The following CAMK2G variants were observed in gnomAD, a reference collection of about 807,000 sequenced individuals.
CAMK2G encodes the protein calcium/calmodulin-dependent protein kinase type II subunit gamma.
A neutral mutation model predicts 88.7 loss-of-function variants in CAMK2G; 23 were observed. That is an observed-to-expected ratio of 0.26 (90% CI 0.19 to 0.37). The LOEUF (loss-of-function observed/expected upper bound fraction) is 0.37. Among genes scored for constraint, CAMK2G ranks in the 10% least tolerant of loss-of-function variants. CAMK2G has a pLI of 1.00. For missense variants in CAMK2G, 476 were observed against 780.8 expected (o/e 0.61, Z 4.65); for synonymous variants, 263 against 294.8 (o/e 0.89, Z 1.11).
chr10:73,822,900 C>T (rs766600247), intron 17 of CAMK2G, among the ~76,000 whole-genome samples: 11 of 152,262 alleles, frequency 7.2e-5, no homozygotes, highest in Non-Finnish European at 1.0e-4. Flanking sequence ...CTTGCTCTGT[C>T]GCCCAGGCTG....
intron 4 of CAMK2G, chr10:73,852,867 T>G (rs1159583415): frequency 1.5e-5 from 5 of 330,082 alleles, no homozygotes; most frequent in Admixed American, 4.6e-5. Context: ...CTCAGGATTT[T>G]TAAGGTCATG....
chr10:73,836,268 T>C (rs1398557291), intron 14 of CAMK2G, among the ~76,000 whole-genome samples: 1 of 152,218 alleles, frequency 6.6e-6, no homozygotes, highest in Non-Finnish European at 1.5e-5. Context: ...GTGGGTCCAC[T>C]AGCAGCGCTC....
In CAMK2G at chr10:73,819,408, C is replaced by G. The variant is rs1000574379; in HGVS notation, c.1363+124G>C. 3 of 721,652 alleles carry G rather than the reference C, an allele frequency of 4.2e-6. No individual in the cohort carries two copies. The African/African-American group carries it at 5.2e-5, about 13-fold the overall frequency. 44.7% of individuals were successfully genotyped at this position (721,652 alleles called of 1,614,324 possible). ...GTCTACCCCCCACCCCCAGCAGAGG[C>G]CATGCTCCCAGAGCTTACTACCACG... On this transcript the variant is annotated intron_variant, in intron 19 of 22. Coordinates refer to ENST00000423381, the MANE Select transcript of CAMK2G (RefSeq NM_001367534.1).
At chr10:73,855,745 CA>C (rs998124825) in intron 3 of CAMK2G, among the ~76,000 whole-genome samples, 15 of 152,248 alleles carry the variant, frequency 9.9e-5, no homozygotes, top group African/African-American at 3.6e-4. Flanking sequence ...CTAGGCCACC[CA>C]GCAGAGAGAA....
At chr10:73,847,491 G>A (rs183365337) in intron 9 of CAMK2G, 144 bp from the exon 10 acceptor site, 224 of 809,094 alleles carry the variant, frequency 2.8e-4, no homozygotes, top group Admixed American at 3.5e-4. Context: ...GAAGCCCTGC[G>A]GCTATTCCAG....
rs759841263 is a variant in CAMK2G, at chr10:73,828,073, G to T, written c.1086+16C>A. On this transcript the variant is annotated intron_variant, in intron 15 of 22. Transcript: ENST00000423381. ...GGCAGCATGGAGTGGGCGATGGGTGGGCAGGCAAGGCTCACCATTAGGTGC... is the reference window on the plus strand; with the variant it reads ...GGCAGCATGGAGTGGGCGATGGGTGTGCAGGCAAGGCTCACCATTAGGTGC... 13 of 1,609,454 alleles carry T rather than the reference G, an allele frequency of 8.1e-6. No homozygotes were observed. The highest frequency in any genetic ancestry group is 1.0e-5 in the Non-Finnish European group (12 of 1,175,846).
intron 15 of CAMK2G, among the ~76,000 whole-genome samples, chr10:73,827,524 T>G (rs1446822331): frequency 1.3e-5 from 2 of 152,194 alleles, no homozygotes; most frequent in African/African-American, 4.8e-5. Context: ...CTCAGGCTGC[T>G]GTGTTGCCCT....
intron 19 of CAMK2G, chr10:73,818,436 G>A (rs2086500276): frequency 3.0e-6 from 1 of 330,800 alleles, no homozygotes; most frequent in African/African-American, 2.2e-5. Context: ...CCAGGGTAAG[G>A]GAGAGCTTGG....
At position 73,815,078 on chromosome 10, in the gene CAMK2G, C is replaced by T. The variant is rs533258598; in HGVS notation, c.1704G>A (p.Arg568=). 1 of 1,614,192 alleles carries T rather than the reference C, an allele frequency of 6.2e-7. No homozygotes were observed. The highest frequency in any genetic ancestry group is 2.2e-5 in the East Asian group (1 of 44,878). The change falls in exon 22 of 23, where the codon CGG becomes CGA. Residue 568 remains arginine, a synonymous_variant. Coordinates refer to ENST00000423381, the MANE Select transcript of CAMK2G (RefSeq NM_001367534.1). ...AGTGGACATTGAGCCACTTGCCATC[C>T]CGACGGTGCCAGACCCGGGTCTCTT... The part of the protein sequence containing the change: ...QSEETRVWHR[R]DGKWLNVHYH...
intron 15 of CAMK2G, 91 bp from the exon 16 acceptor site, chr10:73,825,438 C>T (rs2090587050): frequency 1.0e-6 from 1 of 984,678 alleles, no homozygotes; most frequent in East Asian, 2.4e-5. Flanking sequence ...CCTGGTCTGG[C>T]CTGGAGGAGG....
At chr10:73,843,888 C>T (rs150251804) in intron 10 of CAMK2G, among the ~76,000 whole-genome samples, 17 of 152,192 alleles carry the variant, frequency 1.1e-4, no homozygotes, top group African/African-American at 3.6e-4. Context: ...ACTCACAAGC[C>T]GATCTTCACC....
At chr10:73,834,538 G>A (rs1042863605) in intron 14 of CAMK2G, among the ~76,000 whole-genome samples, 6 of 152,170 alleles carry the variant, frequency 3.9e-5, no homozygotes, top group Admixed American at 6.5e-5. Context: ...TGCAGCTGCT[G>A]CACATTTCTC....
At chr10:73,836,470 T>C (rs538751605) in intron 14 of CAMK2G, among the ~76,000 whole-genome samples, 88 of 152,340 alleles carry the variant, frequency 5.8e-4, no homozygotes, top group African/African-American at 2.0e-3. Context: ...GGGGCAGAGC[T>C]TGGGGACCGC....
At chr10:73,845,878 T>G (rs2394386) in intron 10 of CAMK2G, among the ~76,000 whole-genome samples, 2,822 of 152,068 alleles carry the variant, frequency 0.019, 82 homozygotes, top group African/African-American at 0.063. Context: ...TCCAGCCCTT[T>G]TCTTTTAAAA....
At chr10:73,819,730 A>G (rs1589799470) in intron 18 of CAMK2G, 85 bp from the exon 19 acceptor site, 8 of 827,260 alleles carry the variant, frequency 9.7e-6, no homozygotes, top group Non-Finnish European at 1.5e-5. Flanking sequence ...CAAGCCAGAC[A>G]GGCCCCGAGC....
intron 18 of CAMK2G, among the ~76,000 whole-genome samples, chr10:73,820,389 A>G (rs2087555271): frequency 6.8e-6 from 1 of 148,026 alleles, no homozygotes; most frequent in African/African-American, 2.5e-5. Context: ...TTCCAACTCC[A>G]TCATTCAGGC....
chr10:73,842,784 AGAGACC>A lies in CAMK2G; in HGVS notation c.820-249_820-244del, dbSNP rs1453374911. On this transcript the variant is annotated intron_variant, in intron 10 of 22. Transcript: ENST00000423381. The surrounding 1 kb of genome is among the most constrained non-coding windows in gnomAD (Gnocchi z 4.6). ...ATAACGGATGCTAGACGGGCTGCTG[AGAGACC>A]GTCCTATTCTTCCTTGGGAAACAGA... 6.6e-6 allele frequency among the ~76,000 whole-genome samples: 1 copy of A among 152,208 alleles called. No individual in the cohort carries two copies. Among genetic ancestry groups the A allele is most frequent in the East Asian group, 1.9e-4 (1 of 5,200 alleles).
chr10:73,864,923 C>T lies in CAMK2G; in HGVS notation c.161-4034G>A, dbSNP rs572262261. Among the ~76,000 whole-genome samples the T allele has an allele frequency of 3.3e-5, 5 of 152,166 alleles. No individual in the cohort carries two copies. In the South Asian group the frequency reaches 8.3e-4, roughly 25 times the overall value. On this transcript the variant is annotated intron_variant, in intron 2 of 22. Coordinates refer to ENST00000423381, the MANE Select transcript of CAMK2G (RefSeq NM_001367534.1). ...CCTCCCAAAGTGCTGGGATTACAGGCGTGAGCCACGGCACCCGGCCAAGAG... is the reference window on the plus strand; with the variant it reads ...CCTCCCAAAGTGCTGGGATTACAGGTGTGAGCCACGGCACCCGGCCAAGAG...
intron 19 of CAMK2G, among the ~76,000 whole-genome samples, chr10:73,819,211 C>T (rs570835697): frequency 6.6e-6 from 1 of 152,158 alleles, no homozygotes; most frequent in Non-Finnish European, 1.5e-5. Flanking sequence ...CCCCCACAGA[C>T]CTGACTTCCG....
Sources: gnomAD v4.1 joint callset for allele counts (sites outside exome capture counted in the v4.1 genomes callset) on GRCh38, gnomAD v4.1.1 for gene constraint, Gnocchi (gnomAD v3.1) non-coding constraint, MANE v1.5 for transcripts, NCBI Gene and HGNC (gene_info 2026-07-23, HGNC 2026-07-21) for gene names.